Variants in PRKG1 observed in about 807,000 individuals in gnomAD.
The protein encoded by PRKG1 is protein kinase cGMP-dependent 1.
Under a neutral mutation model 88.1 loss-of-function variants are expected in PRKG1, and 35 were observed. That is an observed-to-expected ratio of 0.40 (90% CI 0.30 to 0.53). The LOEUF (loss-of-function observed/expected upper bound fraction) is 0.53. Among genes scored for constraint, PRKG1 ranks in the 20% least tolerant of loss-of-function variants. The pLI, the probability that PRKG1 is intolerant of heterozygous loss-of-function variation, is 0.59. For missense variants in PRKG1, 540 were observed against 839.8 expected, an observed-to-expected ratio of 0.64 and a Z score of 4.41; for synonymous variants, 303 against 292.5, an observed-to-expected ratio of 1.04 and a Z score of -0.37.
At chr10:51,576,623 A>G (rs1286600451) in intron 3 of PRKG1, among the ~76,000 whole-genome samples, 3 of 151,960 alleles carry the variant, frequency 2.0e-5, no homozygotes, top group Non-Finnish European at 4.4e-5. Flanking sequence ...GTTGTGGCAC[A>G]TCCATCTAAG....
chr10:51,211,759 G>A (rs1221078747), intron 2 of PRKG1, among the ~76,000 whole-genome samples: 2 of 152,090 alleles, frequency 1.3e-5, no homozygotes, highest in African/African-American at 4.8e-5. Flanking sequence ...CAACTTACGA[G>A]GGATGTGAAG....
chr10:52,278,943 A>G (rs995662427), intron 12 of PRKG1, among the ~76,000 whole-genome samples: 3 of 152,074 alleles, frequency 2.0e-5, no homozygotes, highest in African/African-American at 7.2e-5. Flanking sequence ...GTTTGAAATA[A>G]AATAAGACCA....
intron 2 of PRKG1, among the ~76,000 whole-genome samples, chr10:51,332,026 C>A (rs116076461): frequency 0.022 from 3,283 of 152,182 alleles, 114 homozygotes; most frequent in African/African-American, 0.074. Context: ...CTAAATATTT[C>A]TTTGGTAAAC....
chr10:51,361,058 G>A (rs1842470081), intron 2 of PRKG1, among the ~76,000 whole-genome samples: 1 of 151,876 alleles, frequency 6.6e-6, no homozygotes, highest in East Asian at 1.9e-4. Context: ...CTCAGCTCCA[G>A]TAAAAAGGAA....
chr10:51,633,409 G>A lies in PRKG1; in HGVS notation c.592+165573G>A, dbSNP rs909487345. On this transcript the variant is annotated intron_variant, in intron 3 of 17. Coordinates refer to ENST00000373980, the MANE Select transcript of PRKG1 (RefSeq NM_006258.4). ...TGAAGCAAGCGAGGGAAAATATAAA[G>A]CATTGCAAACTCAAAAGCACATATA... Among the ~76,000 whole-genome samples, 6 of 151,956 alleles carry A rather than the reference G, an allele frequency of 3.9e-5. No individual in the cohort carries two copies. The East Asian group carries it at 1.2e-3, about 29-fold the overall frequency.
At chr10:51,211,580 C>T (rs1277210301) in intron 2 of PRKG1, among the ~76,000 whole-genome samples, 7 of 152,098 alleles carry the variant, frequency 4.6e-5, no homozygotes, top group Non-Finnish European at 1.0e-4. Flanking sequence ...TCGTCTCAGC[C>T]TAAAATCTCC....
intron 1 of PRKG1, among the ~76,000 whole-genome samples, chr10:50,997,694 A>G (rs1205088199): frequency 6.6e-6 from 1 of 152,182 alleles, no homozygotes; most frequent in Admixed American, 6.5e-5. Flanking sequence ...GCTCTGAGAT[A>G]AACCAGGGAT....
At position 51,617,987 on chromosome 10, in the gene PRKG1, C is replaced by T. The variant is rs532328654; in HGVS notation, c.592+150151C>T. ...ATAATCATTCTGGATGTTTCTGATA[C>T]GCTAAGGTTTTCTACAGTTGAATCA... On this transcript the variant is annotated intron_variant, in intron 3 of 17. Transcript: ENST00000373980. Among the ~76,000 whole-genome samples, 29 of 152,316 alleles carry T rather than the reference C, an allele frequency of 1.9e-4. 1 individual carries two copies. The highest frequency in any genetic ancestry group is 6.8e-3 in the Middle Eastern group (2 of 294).
intron 3 of PRKG1, among the ~76,000 whole-genome samples, chr10:51,758,686 A>T (rs574424780): frequency 1.4e-3 from 219 of 151,616 alleles, no homozygotes; most frequent in African/African-American, 4.5e-3. Flanking sequence ...TTTTTTTTTT[A>T]AATTTATTAT....
Position 51,957,099 on chromosome 10 carries a change from T to TTCTC in PRKG1, c.762+49537_762+49540dup, listed in dbSNP as rs1226972611. ...CTCTTTCTCTCCTTCTGTCTTTTCTTTCTCTCTCTCTTTCTTTCTTTCCTG... is the reference window on the plus strand; with the variant it reads ...CTCTTTCTCTCCTTCTGTCTTTTCTTTCTCTCTCTCTCTCTTTCTTTCTTTCCTG... On this transcript the variant is annotated intron_variant, in intron 5 of 17. Coordinates refer to ENST00000373980, the MANE Select transcript of PRKG1 (RefSeq NM_006258.4). 1.3e-4 allele frequency among the ~76,000 whole-genome samples: 15 copies of TTCTC among 113,050 alleles called. No individual in the cohort carries two copies. The East Asian group carries it at 5.6e-3, about 42-fold the overall frequency. 74.2% of individuals were successfully genotyped at this position (113,050 alleles called of 152,430 possible).
intron 4 of PRKG1, among the ~76,000 whole-genome samples, chr10:51,905,182 T>G (rs1007001882): frequency 6.6e-6 from 1 of 152,178 alleles, no homozygotes; most frequent in African/African-American, 2.4e-5. Flanking sequence ...TGTCTTTATG[T>G]GATATGGTCC....
chr10:51,851,291 G>C (rs2132806775), intron 4 of PRKG1, among the ~76,000 whole-genome samples: 1 of 152,222 alleles, frequency 6.6e-6, no homozygotes, highest in Middle Eastern at 3.4e-3. Context: ...TTCTCAACTG[G>C]GAGACATTTA....
At chr10:51,130,895 C>T (rs1845549993) in intron 1 of PRKG1, among the ~76,000 whole-genome samples, 2 of 151,578 alleles carry the variant, frequency 1.3e-5, no homozygotes, top group South Asian at 4.2e-4. Flanking sequence ...TGCAACAGAG[C>T]GAGACTCCAT....
At chr10:51,250,424 A>G (rs1164288643) in intron 2 of PRKG1, among the ~76,000 whole-genome samples, 2 of 151,832 alleles carry the variant, frequency 1.3e-5, no homozygotes, top group Non-Finnish European at 2.9e-5. Context: ...TTTCAGAATG[A>G]TGGAATAACC....
intron 3 of PRKG1, among the ~76,000 whole-genome samples, chr10:51,514,707 T>G (rs1258528403): frequency 6.6e-6 from 1 of 152,166 alleles, no homozygotes; most frequent in East Asian, 1.9e-4. Context: ...TTAACAGATT[T>G]TAAATCTAGA....
At chr10:51,517,033 G>T (rs1564531399) in intron 3 of PRKG1, among the ~76,000 whole-genome samples, 1 of 152,098 alleles carries the variant, frequency 6.6e-6, no homozygotes, top group African/African-American at 2.4e-5. Context: ...AAAAAATACT[G>T]TTTTTTTCTA....
intron 2 of PRKG1, among the ~76,000 whole-genome samples, chr10:51,455,930 T>C (rs2132784136): frequency 6.6e-6 from 1 of 152,292 alleles, no homozygotes; most frequent in South Asian, 2.1e-4. Flanking sequence ...TTCCACGTTT[T>C]TGGGTATCTT....
At chr10:52,091,238 C>T (rs997553066) in intron 7 of PRKG1, among the ~76,000 whole-genome samples, 1 of 152,274 alleles carries the variant, frequency 6.6e-6, no homozygotes. Context: ...AAATGGCTTC[C>T]TCCATCTTTA....
chr10:52,127,207 C>G (rs962209727), intron 7 of PRKG1, among the ~76,000 whole-genome samples: 4 of 152,046 alleles, frequency 2.6e-5, no homozygotes, highest in Non-Finnish European at 4.4e-5. Flanking sequence ...AAAAATGAAT[C>G]CAATCTTTTG....
Sources: gnomAD v4.1 joint callset for allele counts (sites outside exome capture counted in the v4.1 genomes callset) on GRCh38, gnomAD v4.1.1 for gene constraint, MANE v1.5 for transcripts, NCBI Gene and HGNC (gene_info 2026-07-23, HGNC 2026-07-21) for gene names.